Variants in ST18 observed in about 807,000 individuals in gnomAD.
The protein encoded by ST18 is ST18 C2H2C-type zinc finger transcription factor.
ST18 carries 50 observed loss-of-function variants against 110.0 expected under a neutral mutation model. The ratio of observed to expected loss-of-function variants is 0.45; its 90% CI spans 0.36 to 0.58. The LOEUF (loss-of-function observed/expected upper bound fraction) is 0.58. ST18 is among the 20% of genes least tolerant of loss of function. The pLI is 0.00. For missense variants in ST18, 1,306 were observed against 1,280.1 expected (o/e 1.02, Z -0.31); for synonymous variants, 461 against 452.4 (o/e 1.02, Z -0.24).
In ST18 at chr8:52,178,645, C is replaced by CAAAA. The variant is rs1563897561; in HGVS notation, c.277+1476_277+1477insTTTT. 1.5e-3 allele frequency among the ~76,000 whole-genome samples: 46 copies of CAAAA among 30,106 alleles called. 5 individuals carry two copies. Among genetic ancestry groups the CAAAA allele is most frequent in the South Asian group, 8.6e-3 (7 of 816 alleles). The allele number at this position is 30,106 out of a possible 152,430, so 19.8% of individuals were successfully genotyped here. ...AAAAAAAAAAAAAAAAAAAAAAAACCACCAAAAACCAAAATAAAACAAACA... is the reference window on the plus strand; with the variant it reads ...AAAAAAAAAAAAAAAAAAAAAAAACCAAAAACCAAAAACCAAAATAAAACAAACA... On this transcript the variant is annotated intron_variant, in intron 9 of 25. Transcript: ENST00000689386.
chr8:52,116,633 T>A (rs1405559732), intron 24 of ST18, among the ~76,000 whole-genome samples: 5 of 152,234 alleles, frequency 3.3e-5, no homozygotes, highest in East Asian at 1.9e-4. Context: ...GACTTCCTCA[T>A]GAATTGTAGA....
intron 2 of ST18, among the ~76,000 whole-genome samples, chr8:52,390,578 C>T (rs866397062): frequency 6.6e-6 from 1 of 152,172 alleles, no homozygotes; most frequent in Non-Finnish European, 1.5e-5. Context: ...TCCCCATCCC[C>T]TTGATTTGCT....
chr8:52,376,002 A>C (rs1489280269), intron 2 of ST18, among the ~76,000 whole-genome samples: 3 of 152,150 alleles, frequency 2.0e-5, no homozygotes, highest in African/African-American at 7.2e-5. Flanking sequence ...CTACCTTCAG[A>C]GCACATCCAG....
chr8:52,409,503 A>AT (rs2141208246), intron 1 of ST18, 45 bp downstream of exon 1: 1 of 149,804 alleles, frequency 6.7e-6, no homozygotes, highest in Non-Finnish European at 1.5e-5. Context: ...AAAACCATTG[A>AT]TTTTCAATCA....
At chr8:52,209,998 G>A (rs1355827835) in intron 8 of ST18, 3 of 452,388 alleles carry the variant, frequency 6.6e-6, no homozygotes, top group Non-Finnish European at 1.3e-5. Flanking sequence ...AGATTCTCTT[G>A]AGTAAAAGTT....
At chr8:52,156,956 A>G (rs997553001) in intron 15 of ST18, among the ~76,000 whole-genome samples, 1 of 152,214 alleles carries the variant, frequency 6.6e-6, no homozygotes, top group South Asian at 2.1e-4. Context: ...CACCACATCA[A>G]TTGTTTGGCT....
intron 2 of ST18, among the ~76,000 whole-genome samples, chr8:52,307,424 T>C (rs1329052868): frequency 2.0e-5 from 3 of 152,202 alleles, no homozygotes; most frequent in Admixed American, 2.0e-4. Context: ...CGTTAAACAA[T>C]AATCTTTAGT....
chr8:52,162,044 C>T (rs1436065797), intron 13 of ST18, among the ~76,000 whole-genome samples: 1 of 152,118 alleles, frequency 6.6e-6, no homozygotes, highest in Non-Finnish European at 1.5e-5. Context: ...ACCCCTGTCT[C>T]TACTAAAAAT....
chr8:52,233,045 A>C (rs2091849811), intron 2 of ST18, among the ~76,000 whole-genome samples: 1 of 152,188 alleles, frequency 6.6e-6, no homozygotes. Flanking sequence ...TATTTATTTT[A>C]AAAAGCTACT....
chr8:52,113,098 G>T lies in ST18; in HGVS notation c.*100C>A. 7.1e-7 allele frequency: 1 copy of T among 1,418,288 alleles called. No homozygotes were observed. Among genetic ancestry groups the T allele is most frequent in the Non-Finnish European group, 9.4e-7 (1 of 1,063,370 alleles). 87.9% of individuals were successfully genotyped at this position (1,418,288 alleles called of 1,614,324 possible). A position where few individuals can be genotyped will look rare whatever the true frequency, so the allele number is the denominator to read the frequency against. ...TGCAATGTTGCAAATTGTAAATGCA[G>T]TACGGCAACCTCCACGCCTTAGCAG... On this transcript the variant is annotated 3_prime_UTR_variant, in exon 26 of 26. Transcript: ENST00000689386.
chr8:52,252,018 TA>T (rs1487999820), intron 2 of ST18, among the ~76,000 whole-genome samples: 11 of 152,114 alleles, frequency 7.2e-5, no homozygotes, highest in African/African-American at 2.7e-4. Flanking sequence ...ACGCAAGTTA[TA>T]TTTTTTTGAT....
intron 8 of ST18, chr8:52,199,488 T>C (rs1022716150): frequency 2.6e-5 from 4 of 152,194 alleles, no homozygotes; most frequent in Non-Finnish European, 4.4e-5. Flanking sequence ...CCTTGGTCTA[T>C]TGTGTTGCCA....
At chr8:52,403,712 T>G (rs1843535033) in intron 2 of ST18, 1 of 152,230 alleles carries the variant, frequency 6.6e-6, no homozygotes, top group Admixed American at 6.5e-5. Context: ...AGTTGTTTAT[T>G]CATTGTTTAT....
intron 2 of ST18, among the ~76,000 whole-genome samples, chr8:52,391,876 A>G (rs1440847279): frequency 2.0e-5 from 3 of 152,188 alleles, no homozygotes; most frequent in Non-Finnish European, 4.4e-5. Context: ...TGGAAAGGAC[A>G]GGGAAGAATT....
At chr8:52,335,261 G>A (rs972705207) in intron 2 of ST18, among the ~76,000 whole-genome samples, 2 of 151,970 alleles carry the variant, frequency 1.3e-5, no homozygotes, top group Non-Finnish European at 2.9e-5. Context: ...CTTTTCCAAG[G>A]TTCTAGGTTC....
intron 2 of ST18, among the ~76,000 whole-genome samples, chr8:52,269,822 A>T (rs1223608088): frequency 6.6e-6 from 1 of 152,200 alleles, no homozygotes; most frequent in Non-Finnish European, 1.5e-5. Context: ...ACTAGGCTGT[A>T]TGTTGGATCT....
At chr8:52,309,348 A>C (rs998587972) in intron 2 of ST18, among the ~76,000 whole-genome samples, 5 of 151,992 alleles carry the variant, frequency 3.3e-5, no homozygotes, top group Admixed American at 1.3e-4. Context: ...TGGTGAAACC[A>C]CGTCTCTACT....
intron 2 of ST18, among the ~76,000 whole-genome samples, chr8:52,316,250 A>G (rs140522010): frequency 5.9e-5 from 9 of 152,300 alleles, no homozygotes; most frequent in Middle Eastern, 3.4e-3. Context: ...CCTTTAAGCA[A>G]ATATTTCTTG....
At chr8:52,284,844 A>G (rs952540480) in intron 2 of ST18, among the ~76,000 whole-genome samples, 1 of 152,146 alleles carries the variant, frequency 6.6e-6, no homozygotes, top group African/African-American at 2.4e-5. Flanking sequence ...TGTAGCTTTA[A>G]TTATGCATTG....
Sources: gnomAD v4.1 joint callset for allele counts (sites outside exome capture counted in the v4.1 genomes callset) on GRCh38, gnomAD v4.1.1 for gene constraint, MANE v1.5 for transcripts, NCBI Gene and HGNC (gene_info 2026-07-23, HGNC 2026-07-21) for gene names.